RPS6KB2: variants seen among roughly 807,000 people sequenced by gnomAD.
RPS6KB2 encodes ribosomal protein S6 kinase beta-2.
A neutral mutation model predicts 58.2 loss-of-function variants in RPS6KB2; 51 were observed. That is an observed-to-expected ratio of 0.88 (90% CI 0.70 to 1.11). The LOEUF (loss-of-function observed/expected upper bound fraction) is 1.11. Among genes scored for constraint, RPS6KB2 ranks in the 50% least tolerant of loss-of-function variants. RPS6KB2 has a pLI of 0.00. For synonymous variants in RPS6KB2, 293 were observed against 258.6 expected (o/e 1.13, Z -1.28); for missense variants, 671 against 655.8 (o/e 1.02, Z -0.25).
chr11:67,429,711 T>A, intron 4 of RPS6KB2, 116 bp downstream of exon 4: 1 of 830,022 alleles, frequency 1.2e-6, no homozygotes, highest in East Asian at 2.6e-5. Context: ...CTTTGGCGTT[T>A]GCTGGTTTAT....
rs1409359795 is a variant in RPS6KB2 at position 67,429,521 on chromosome 11, C to T, written c.241-6C>T. ...GGAAGTTGATCCTGTCTCCCCTGCCCTACAGGTGTTCCAGGTGCGAAAGGT... is the reference window on the plus strand; with the variant it reads ...GGAAGTTGATCCTGTCTCCCCTGCCTTACAGGTGTTCCAGGTGCGAAAGGT... On this transcript the variant is annotated splice_region_variant and splice_polypyrimidine_tract_variant and intron_variant, in intron 3 of 14. Coordinates refer to ENST00000312629, the MANE Select transcript of RPS6KB2 (RefSeq NM_003952.3). 6.2e-7 allele frequency: 1 copy of T among 1,612,302 alleles called. No individual in the cohort carries two copies. The highest frequency in any genetic ancestry group is 1.3e-5 in the African/African-American group (1 of 75,032).
chr11:67,433,503 T>C, intron 10 of RPS6KB2, 56 bp downstream of exon 10: 1 of 1,346,350 alleles, frequency 7.4e-7, no homozygotes, highest in Non-Finnish European at 1.1e-6. Context: ...CACGTGTTCC[T>C]GAGTCTCTCT....
chr11:67,431,649 C>T (rs1470860769), intron 5 of RPS6KB2, 134 bp downstream of exon 5: 8 of 648,536 alleles, frequency 1.2e-5, no homozygotes, highest in African/African-American at 1.1e-4. Flanking sequence ...CTGTCCTACC[C>T]ATCCATCCAT....
At position 67,429,688 on chromosome 11, in the gene RPS6KB2, G is replaced by C. The variant is rs192512741; in HGVS notation, c.309+93G>C. On this transcript the variant is annotated intron_variant, in intron 4 of 14. Transcript: ENST00000312629. ...GGAAGACAGCAGGGAACACAGTGGA[G>C]GAGGATCCCTGACTTTGGCGTTTGC... is the stretch of plus-strand genomic sequence containing the variant. The C allele has an allele frequency of 8.9e-4, 911 of 1,026,050 alleles. 5 individuals carry two copies. In the African/African-American group the frequency reaches 0.013, roughly 14 times the overall value. 63.6% of individuals were successfully genotyped at this position (1,026,050 alleles called of 1,614,324 possible).
rs763623029 is a variant in RPS6KB2 at position 67,435,049 on chromosome 11, G to A, written c.1329G>A (p.Thr443=). The change falls in exon 15 of 15, where the codon ACG becomes ACA. Residue 443 remains threonine (T), a synonymous_variant. Coordinates refer to ENST00000312629, the MANE Select transcript of RPS6KB2 (RefSeq NM_003952.3). ...CCAGCCCCAGCCTGCCGGAGCCCACGGAGCTACCTCTACCTCCACTCCTGC... is the reference window on the plus strand; with the variant it reads ...CCAGCCCCAGCCTGCCGGAGCCCACAGAGCTACCTCTACCTCCACTCCTGC... ...FRPSPSLPEP[T]ELPLPPLLPP... 15 of 1,612,982 alleles carry A rather than the reference G, an allele frequency of 9.3e-6. No individual in the cohort carries two copies. Among genetic ancestry groups the A allele is most frequent in the East Asian group, 2.2e-5 (1 of 44,878 alleles).
chr11:67,432,317 G>A (rs781268072), intron 5 of RPS6KB2: 26 of 643,616 alleles, frequency 4.0e-5, no homozygotes, highest in African/African-American at 2.1e-4. Flanking sequence ...TGGGCCTGGC[G>A]TATTAGAGCC....
chr11:67,434,305 G>A (rs749480642), intron 12 of RPS6KB2, 30 bp downstream of exon 12: 12 of 1,611,378 alleles, frequency 7.4e-6, no homozygotes, highest in South Asian at 2.2e-5. Context: ...GCCAGTGGCC[G>A]GTGGCGGGTG....
Position 67,435,294 on chromosome 11 carries a change from A to C in RPS6KB2, c.*125A>C, listed in dbSNP as rs1401873157. On this transcript the variant is annotated 3_prime_UTR_variant, in exon 15 of 15. Transcript: ENST00000312629. ...GGGGTGGGGTGTGAGTGCGTATGAA[A>C]GTGTGTGTCTGCTGGGGCAGCTGTG... is the stretch of plus-strand genomic sequence containing the variant. 1.1e-6 allele frequency: 1 copy of C among 911,904 alleles called. No homozygotes were observed. The highest frequency in any genetic ancestry group is 1.6e-6 in the Non-Finnish European group (1 of 624,948). The allele number at this position is 911,904 out of a possible 1,614,324, so 56.5% of individuals were successfully genotyped here. A position where few individuals can be genotyped will look rare whatever the true frequency, so the allele number is the denominator to read the frequency against.
In RPS6KB2 at chr11:67,433,127, G is replaced by T; in HGVS notation, c.709G>T (p.Ala237Ser). 1.2e-6 allele frequency: 2 copies of T among 1,604,420 alleles called. No homozygotes were observed. Among genetic ancestry groups the T allele is most frequent in the Non-Finnish European group, 1.7e-6 (2 of 1,176,360 alleles). ...CTGACAGTTCCACCTGGACCCCAGG[G>T]CCCCTGAGATTCTGGTGCGCAGTGG... Reference protein sequence around the residue: ...HTFCGTIEYMAPEILVRSGHN... With the variant: ...HTFCGTIEYMSPEILVRSGHN... Residue 237 changes from alanine (A) to serine (S), a missense_variant and splice_region_variant, in exon 9 of 15, where the codon GCC (alanine) becomes TCC (serine). Coordinates refer to ENST00000312629, the MANE Select transcript of RPS6KB2 (RefSeq NM_003952.3).
intron 10 of RPS6KB2, 29 bp from the exon 11 acceptor site, chr11:67,433,965 AG>A (rs1441702475): frequency 6.2e-7 from 1 of 1,613,628 alleles, no homozygotes; most frequent in African/African-American, 1.3e-5. Flanking sequence ...GTACTTGCCC[AG>A]GCCCTCACCC....
At chr11:67,431,676 C>G (rs181254502) in intron 5 of RPS6KB2, 161 bp downstream of exon 5, 1 of 627,800 alleles carries the variant, frequency 1.6e-6, no homozygotes, top group Non-Finnish European at 2.8e-6. Context: ...GTGCATCCGT[C>G]CCATCATTCA....
Position 67,435,027 on chromosome 11 carries a change from GC to G in RPS6KB2, c.1311del (p.Ser438AlafsTer56). On this transcript the variant is annotated frameshift_variant, in exon 15 of 15. Transcript: ENST00000312629. LOFTEE classifies it high-confidence loss of function. ...KFSPFEGFRP[S>X]PSLPEPTELP... ...TCCCCTTTTGAGGGGTTTCGGCCCAGCCCCAGCCTGCCGGAGCCCACGGAGC... is the reference window on the plus strand; with the variant it reads ...TCCCCTTTTGAGGGGTTTCGGCCCAGCCCAGCCTGCCGGAGCCCACGGAGC... The G allele has an allele frequency of 6.2e-7, 1 of 1,613,394 alleles. No individual in the cohort carries two copies. The highest frequency in any genetic ancestry group is 2.2e-5 in the East Asian group (1 of 44,872).
intron 1 of RPS6KB2, 110 bp downstream of exon 1, chr11:67,428,733 C>T: frequency 9.3e-7 from 1 of 1,070,236 alleles, no homozygotes; most frequent in Non-Finnish European, 1.4e-6. Context: ...CTTTGCAGAC[C>T]CAGATCCTTC....
intron 5 of RPS6KB2, chr11:67,432,130 G>A (rs1395920688): frequency 2.8e-6 from 1 of 363,172 alleles, no homozygotes; most frequent in East Asian, 7.3e-5. Context: ...TCCCTCGTTT[G>A]GGCCAGATGA....
chr11:67,435,206 G>A lies in RPS6KB2; in HGVS notation c.*37G>A. ...GGGGTGAGGGTAGCCCTTGAGCCCT[G>A]TCCCTGCGGCTGTGAGAGCAGCAGG... On this transcript the variant is annotated 3_prime_UTR_variant, in exon 15 of 15. Coordinates refer to ENST00000312629, the MANE Select transcript of RPS6KB2 (RefSeq NM_003952.3). 6.7e-7 allele frequency: 1 copy of A among 1,491,192 alleles called. No individual in the cohort carries two copies. The highest frequency in any genetic ancestry group is 1.3e-5 in the South Asian group (1 of 79,216). The allele number at this position is 1,491,192 out of a possible 1,614,324, so 92.4% of individuals were successfully genotyped here. A position where few individuals can be genotyped will look rare whatever the true frequency, so the allele number is the denominator to read the frequency against.
At chr11:67,434,872 G>A in intron 14 of RPS6KB2, 117 bp from the exon 15 acceptor site, 1 of 1,118,840 alleles carries the variant, frequency 8.9e-7, no homozygotes, top group East Asian at 2.4e-5. Flanking sequence ...ATGGGAGTTT[G>A]TGGAGCCCGC....
intron 4 of RPS6KB2, chr11:67,430,216 T>C (rs1863978316): frequency 6.6e-6 from 1 of 151,866 alleles, no homozygotes; most frequent in Non-Finnish European, 1.5e-5. Flanking sequence ...GGTAATTCTC[T>C]TACCTCAGCC....
chr11:67,434,253 AC>A lies in RPS6KB2; in HGVS notation c.1031del (p.Pro344LeufsTer12), dbSNP rs1353245033. On this transcript the variant is annotated frameshift_variant, in exon 12 of 15. Transcript: ENST00000312629. LOFTEE classifies it high-confidence loss of function. ...NWDDLLAWRV[D>X]PPFRPCLQSE... ...GACGACCTTCTGGCCTGGCGTGTGG[AC>A]CCCCCTTTCAGGCCCTGTCTGGTGA... The A allele has an allele frequency of 1.9e-6, 3 of 1,612,908 alleles. No homozygotes were observed. The highest frequency in any genetic ancestry group is 2.5e-6 in the Non-Finnish European group (3 of 1,179,910).
At chr11:67,428,862 C>T (rs1033656719) in intron 1 of RPS6KB2, 120 bp from the exon 2 acceptor site, 1 of 1,208,296 alleles carries the variant, frequency 8.3e-7, no homozygotes, top group Non-Finnish European at 1.2e-6. Context: ...AATTCTTACC[C>T]ATCCCCTACT....
Sources: allele counts gnomAD v4.1 joint callset, GRCh38; gene constraint gnomAD v4.1.1; transcripts MANE v1.5; gene names NCBI Gene and HGNC (gene_info 2026-07-23, HGNC 2026-07-21).